Variants in TSPEAR observed in about 807,000 individuals in gnomAD.
TSPEAR encodes the protein thrombospondin type laminin G domain and EAR repeats.
In TSPEAR, 69 loss-of-function variants were observed where a neutral mutation model predicts 71.6. That is an observed-to-expected ratio of 0.96 (90% CI 0.79 to 1.18). TSPEAR has a LOEUF of 1.18. TSPEAR is among the 50% of genes most tolerant of loss of function. TSPEAR has a pLI of 0.00. For synonymous variants in TSPEAR, 402 were observed against 387.2 expected (o/e 1.04, Z -0.45); for missense variants, 971 against 894.9 (o/e 1.09, Z -1.09).
intron 1 of TSPEAR, among the ~76,000 whole-genome samples, chr21:44,654,933 C>A (rs1199562905): frequency 6.6e-6 from 1 of 152,096 alleles, no homozygotes; most frequent in Non-Finnish European, 1.5e-5. Flanking sequence ...GTTCAAGGTC[C>A]CCCCGTTGTA....
chr21:44,650,442 G>A (rs1183671063), intron 1 of TSPEAR, among the ~76,000 whole-genome samples: 2 of 152,228 alleles, frequency 1.3e-5, no homozygotes, highest in Admixed American at 6.5e-5. Flanking sequence ...CTGGGGCCAC[G>A]TGACGACGGG....
At chr21:44,671,080 C>G (rs965395986) in intron 1 of TSPEAR, among the ~76,000 whole-genome samples, 2 of 152,220 alleles carry the variant, frequency 1.3e-5, no homozygotes, top group Admixed American at 6.5e-5. Flanking sequence ...GTGGTCCCCC[C>G]CAACCCATTC....
chr21:44,530,887 G>A lies in TSPEAR; in HGVS notation c.633+156C>T, dbSNP rs587655494. Among the ~76,000 whole-genome samples the A allele has an allele frequency of 2.0e-4, 30 of 152,344 alleles. No individual in the cohort carries two copies. In the South Asian group the frequency reaches 5.8e-3, roughly 29 times the overall value. On this transcript the variant is annotated intron_variant, in intron 4 of 11. Transcript: ENST00000323084. ...GGAGGGTGCCAGGAGGAAACAGCAA[G>A]CGTGAAGGCCCTGTGGTAGAGACTC...
chr21:44,602,736 C>T (rs77769051), intron 1 of TSPEAR, among the ~76,000 whole-genome samples: 127,307 of 151,878 alleles, frequency 0.84, 54,831 homozygotes, highest in Non-Finnish European at 0.94. Context: ...ATCGCACACG[C>T]AGCGTCCCAG....
intron 2 of TSPEAR, chr21:44,539,662 G>C: frequency 6.3e-7 from 1 of 1,596,216 alleles, no homozygotes; most frequent in Non-Finnish European, 8.5e-7. Flanking sequence ...ACTGCTGGCA[G>C]CATGAAGAGG....
intron 1 of TSPEAR, chr21:44,666,300 T>A: frequency 9.7e-7 from 1 of 1,029,836 alleles, no homozygotes; most frequent in Non-Finnish European, 1.4e-6. Flanking sequence ...GATCATTCTG[T>A]CACATTCTCA....
intron 8 of TSPEAR, among the ~76,000 whole-genome samples, chr21:44,523,690 CAGAT>C (rs1395895672): frequency 6.7e-6 from 1 of 149,694 alleles, no homozygotes; most frequent in African/African-American, 2.5e-5. Flanking sequence ...ATCAGCCAGT[CAGAT>C]AGGCAGGTAG....
At chr21:44,691,286 T>C (rs879983417) in intron 1 of TSPEAR, among the ~76,000 whole-genome samples, 1 of 152,210 alleles carries the variant, frequency 6.6e-6, no homozygotes, top group African/African-American at 2.4e-5. Flanking sequence ...TAGCAAAGAA[T>C]GGCACTCACC....
chr21:44,656,770 C>T (rs1328711166), intron 1 of TSPEAR, among the ~76,000 whole-genome samples: 3 of 152,104 alleles, frequency 2.0e-5, no homozygotes, highest in Non-Finnish European at 2.9e-5. Flanking sequence ...GGTTCAGTAT[C>T]GCTCTCTTCT....
intron 11 of TSPEAR, among the ~76,000 whole-genome samples, chr21:44,502,108 C>T (rs1252992102): frequency 6.6e-6 from 1 of 152,222 alleles, no homozygotes; most frequent in East Asian, 1.9e-4. Context: ...GGAGATGTCT[C>T]ACTATAAATC....
intron 1 of TSPEAR, among the ~76,000 whole-genome samples, chr21:44,705,037 G>T (rs9978300): frequency 6.6e-6 from 1 of 151,972 alleles, no homozygotes; most frequent in Non-Finnish European, 1.5e-5. Flanking sequence ...TGGAAGTCAG[G>T]GACCCCAAAC....
chr21:44,620,406 T>C (rs903793851), intron 1 of TSPEAR, among the ~76,000 whole-genome samples: 7 of 152,256 alleles, frequency 4.6e-5, no homozygotes, highest in Non-Finnish European at 7.3e-5. Context: ...TGTTGGTAGT[T>C]TGTATGTTTA....
intron 1 of TSPEAR, among the ~76,000 whole-genome samples, chr21:44,577,963 T>C (rs782530664): frequency 2.6e-5 from 4 of 152,314 alleles, no homozygotes; most frequent in Non-Finnish European, 5.9e-5. Context: ...GTTCTCATGA[T>C]AGTAAGTAAG....
intron 1 of TSPEAR, chr21:44,654,668 C>A (rs1985030461): frequency 3.1e-6 from 4 of 1,283,016 alleles, no homozygotes; most frequent in Non-Finnish European, 4.3e-6. Flanking sequence ...CTGGAGCCTG[C>A]TTCCTTAGGT....
At chr21:44,526,431 A>G (rs141903384) in intron 7 of TSPEAR, among the ~76,000 whole-genome samples, 31 of 151,862 alleles carry the variant, frequency 2.0e-4, no homozygotes, top group Middle Eastern at 3.4e-3. Context: ...GAATTTTCCA[A>G]TTGTTCTTTG....
intron 1 of TSPEAR, among the ~76,000 whole-genome samples, chr21:44,682,848 G>A (rs1220764907): frequency 1.3e-5 from 2 of 152,216 alleles, no homozygotes; most frequent in African/African-American, 4.8e-5. Context: ...TCAAGCAGCT[G>A]AAGCCCTGGA....
At chr21:44,579,531 G>T in intron 1 of TSPEAR, 1 of 601,306 alleles carries the variant, frequency 1.7e-6, no homozygotes, top group Non-Finnish European at 2.9e-6. Flanking sequence ...GTGACATGGG[G>T]CAGAGAAGCT....
chr21:44,582,183 G>A (rs1979023217), intron 1 of TSPEAR, among the ~76,000 whole-genome samples: 3 of 152,324 alleles, frequency 2.0e-5, no homozygotes, highest in South Asian at 2.1e-4. Context: ...GCGCAGGTGC[G>A]GTCTCCACAT....
At chr21:44,708,898 C>T (rs17213972) in intron 1 of TSPEAR, among the ~76,000 whole-genome samples, 9,265 of 152,280 alleles carry the variant, frequency 0.061, 322 homozygotes, top group Middle Eastern at 0.14. Flanking sequence ...CCTTTCCTGG[C>T]GTGGATGCTG....
Sources: gnomAD v4.1 joint callset for allele counts (sites outside exome capture counted in the v4.1 genomes callset) on GRCh38, gnomAD v4.1.1 for gene constraint, MANE v1.5 for transcripts, NCBI Gene and HGNC (gene_info 2026-07-23, HGNC 2026-07-21) for gene names.